XPO1: variants seen among roughly 807,000 people sequenced by gnomAD.
XPO1 encodes exportin-1.
A neutral mutation model predicts 133.3 loss-of-function variants in XPO1; 5 were observed. The ratio of observed to expected loss-of-function variants is 0.04; its 90% CI spans 0.02 to 0.08. XPO1 has a LOEUF of 0.08. XPO1 is among the 10% of genes least tolerant of loss of function. XPO1 has a pLI of 1.00. For missense variants in XPO1, 506 were observed against 1,267.5 expected (o/e 0.40, Z 9.12); for synonymous variants, 419 against 408.2 (o/e 1.03, Z -0.32).
Position 61,515,210 on chromosome 2 carries a change from C to T in XPO1, c.301+7401G>A, listed in dbSNP as rs542636788. ...TCTTGATTATACAGAGGTAGTTTCACAGGAGCATGCACAAGATAAAACTTA... is the reference window on the plus strand; with the variant it reads ...TCTTGATTATACAGAGGTAGTTTCATAGGAGCATGCACAAGATAAAACTTA... On this transcript the variant is annotated intron_variant, in intron 4 of 24. Transcript: ENST00000401558. 3.4e-4 allele frequency among the ~76,000 whole-genome samples: 51 copies of T among 152,120 alleles called. 1 individual carries two copies. Among genetic ancestry groups the T allele is most frequent in the South Asian group, 1.9e-3 (9 of 4,820 alleles).
intron 2 of XPO1, among the ~76,000 whole-genome samples, chr2:61,530,379 C>G (rs538073296): frequency 3.8e-4 from 58 of 151,966 alleles, no homozygotes; most frequent in African/African-American, 1.4e-3. Context: ...AAAACCCCAG[C>G]AGGGGTTTAA....
chr2:61,532,137 T>C (rs1301700151), intron 2 of XPO1, among the ~76,000 whole-genome samples: 2 of 152,126 alleles, frequency 1.3e-5, no homozygotes, highest in South Asian at 4.1e-4. Flanking sequence ...TTTATTTATT[T>C]TTATTTTTGA....
rs750936654 is a variant in XPO1 at position 61,533,752 on chromosome 2, G to T, written c.126+20C>A. ...TGTTACACTGTCATAATGTTATAAAGTTTTGGTTGGCTACTTTACCTGGGC... is the reference window on the plus strand; with the variant it reads ...TGTTACACTGTCATAATGTTATAAATTTTTGGTTGGCTACTTTACCTGGGC... On this transcript the variant is annotated intron_variant, in intron 2 of 24. Transcript: ENST00000401558. 1 of 1,571,068 alleles carries T rather than the reference G, an allele frequency of 6.4e-7. No individual in the cohort carries two copies. The highest frequency in any genetic ancestry group is 1.2e-5 in the South Asian group (1 of 82,974).
chr2:61,533,719 AACAAC>A (rs1699254216), intron 2 of XPO1, 48 bp downstream of exon 2: 1 of 1,402,130 alleles, frequency 7.1e-7, no homozygotes, highest in African/African-American at 1.5e-5. Context: ...TTCTAAACCC[AACAAC>A]TCTGTTACAC....
intron 4 of XPO1, among the ~76,000 whole-genome samples, chr2:61,510,979 G>A (rs1468746948): frequency 6.6e-6 from 1 of 151,348 alleles, no homozygotes; most frequent in African/African-American, 2.4e-5. Flanking sequence ...ATGTAAGCTA[G>A]GGATCAAACA....
At chr2:61,521,894 C>T (rs995106528) in intron 4 of XPO1, among the ~76,000 whole-genome samples, 14 of 151,726 alleles carry the variant, frequency 9.2e-5, no homozygotes, top group African/African-American at 2.9e-4. Flanking sequence ...CCCCTGTCCC[C>T]GCCGCCACCT....
chr2:61,515,973 A>ACACACAC (rs1558664414), intron 4 of XPO1, among the ~76,000 whole-genome samples: 2 of 145,262 alleles, frequency 1.4e-5, no homozygotes, highest in African/African-American at 5.0e-5. Flanking sequence ...ACACACACAC[A>ACACACAC]AAATTAGCCA....
intron 1 of XPO1, 106 bp from the exon 2 acceptor site, chr2:61,534,009 G>T: frequency 1.8e-6 from 2 of 1,124,048 alleles, no homozygotes; most frequent in Non-Finnish European, 2.3e-6. Context: ...ATATTTTAAT[G>T]AATACTTTAG....
At position 61,478,542 on chromosome 2, in the gene XPO1, C is replaced by G; in HGVS notation, c.*278G>C. 1 of 353,900 alleles carries G rather than the reference C, an allele frequency of 2.8e-6. No homozygotes were observed. Among genetic ancestry groups the G allele is most frequent in the Non-Finnish European group, 5.1e-6 (1 of 197,686 alleles). 21.9% of individuals were successfully genotyped at this position (353,900 alleles called of 1,614,324 possible). A position where few individuals can be genotyped will look rare whatever the true frequency, so the allele number is the denominator to read the frequency against. On this transcript the variant is annotated 3_prime_UTR_variant, in exon 25 of 25. Transcript: ENST00000401558. ...TATGTTCAAATCGAATTTGCCTCCT[C>G]CCCCCAGCCCAGCCACAAAAATGGG...
intron 2 of XPO1, among the ~76,000 whole-genome samples, chr2:61,527,709 A>G (rs982794504): frequency 3.9e-5 from 6 of 152,134 alleles, no homozygotes; most frequent in Non-Finnish European, 7.4e-5. Context: ...TCCTTTCTCC[A>G]TTCTGAAATT....
chr2:61,505,423 CCT>C (rs1444126054), intron 4 of XPO1, among the ~76,000 whole-genome samples: 3 of 145,166 alleles, frequency 2.1e-5, no homozygotes, highest in African/African-American at 5.1e-5. Flanking sequence ...ATGGAGTCTT[CCT>C]CTGTCTTCCA....
chr2:61,509,599 C>G (rs1384032918), intron 4 of XPO1, among the ~76,000 whole-genome samples: 1 of 151,958 alleles, frequency 6.6e-6, no homozygotes, highest in Non-Finnish European at 1.5e-5. Flanking sequence ...GCACTCCAGC[C>G]TGGGCAACAA....
rs2104432670 is a variant in XPO1, at chr2:61,492,449, G to C, written c.1599C>G (p.Gly533=). 6.3e-7 allele frequency: 1 copy of C among 1,599,528 alleles called. No homozygotes were observed. Among genetic ancestry groups the C allele is most frequent in the Non-Finnish European group, 8.5e-7 (1 of 1,176,116 alleles). Residue 533 remains glycine (G), a synonymous_variant, in exon 15 of 25, where the codon GGC becomes GGG. Coordinates refer to ENST00000401558, the MANE Select transcript of XPO1 (RefSeq NM_003400.4). This position sits in a 1 kb window ranked among gnomAD's most constrained non-coding sequence, Gnocchi z 5.6. ...ATGCAATAATAGCTTTATTATCTTTGCCTCTTTTCTGTTCACATAATCCTA... is the reference window on the plus strand; with the variant it reads ...ATGCAATAATAGCTTTATTATCTTTCCCTCTTTTCTGTTCACATAATCCTA... The part of the protein sequence containing the change: ...DLLGLCEQKR[G]KDNKAIIASN...
At chr2:61,535,937 A>G (rs1378643568) in intron 1 of XPO1, among the ~76,000 whole-genome samples, 4 of 152,380 alleles carry the variant, frequency 2.6e-5, no homozygotes, top group African/African-American at 4.8e-5. Context: ...AGCAATGTCC[A>G]CAAAGCACCA....
At chr2:61,494,864 C>G (rs1237070150) in intron 11 of XPO1, 1 of 151,040 alleles carries the variant, frequency 6.6e-6, no homozygotes, top group African/African-American at 2.4e-5. Context: ...TTCCTTCAGA[C>G]AGAGTCTTGC....
At chr2:61,488,029 CAATA>C (rs1413811011) in intron 19 of XPO1, 132 bp downstream of exon 19, 5 of 729,586 alleles carry the variant, frequency 6.9e-6, no homozygotes, top group East Asian at 2.5e-5. Context: ...GTAAGGACTA[CAATA>C]AATAAAATGC....
At chr2:61,486,086 G>A (rs1696679121) in intron 19 of XPO1, 124 bp from the exon 20 acceptor site, 1 of 580,592 alleles carries the variant, frequency 1.7e-6, no homozygotes, top group Admixed American at 4.0e-5. Context: ...AAAATCTTGT[G>A]TTTGTATTAG....
intron 4 of XPO1, among the ~76,000 whole-genome samples, chr2:61,521,753 G>T (rs555788221): frequency 1.9e-3 from 289 of 151,812 alleles, no homozygotes; most frequent in African/African-American, 5.4e-3. Context: ...GGTTTTTTTT[G>T]TTGTTGTTGT....
intron 17 of XPO1, 105 bp from the exon 18 acceptor site, chr2:61,488,876 C>A (rs1334809840): frequency 1.1e-5 from 13 of 1,218,608 alleles, no homozygotes; most frequent in African/African-American, 1.5e-5. Context: ...CCGAGGCGGG[C>A]GGATGATGAG....
Sources: allele counts gnomAD v4.1 joint callset (sites outside exome capture counted in the v4.1 genomes callset), GRCh38; gene constraint gnomAD v4.1.1; non-coding constraint Gnocchi (gnomAD v3.1); transcripts MANE v1.5; gene names NCBI Gene and HGNC (gene_info 2026-07-23, HGNC 2026-07-21).